Variants in KCNIP1 observed in about 807,000 individuals in gnomAD.
KCNIP1 encodes potassium voltage-gated channel interacting protein 1, also known as A-type potassium channel modulatory protein KCNIP1.
In KCNIP1, 18 loss-of-function variants were observed where a neutral mutation model predicts 33.0. The observed-to-expected ratio is 0.55, with a 90% CI of 0.38 to 0.81. The LOEUF is 0.81. KCNIP1 is among the 30% of genes least tolerant of loss of function. The probability of loss-of-function intolerance (pLI) is 0.00; values close to 1 mark genes in which losing one functional copy is unlikely to be tolerated. For synonymous variants in KCNIP1, 93 were observed against 98.3 expected, an observed-to-expected ratio of 0.95 and a Z score of 0.32; for missense variants, 238 against 271.6, an observed-to-expected ratio of 0.88 and a Z score of 0.87.
intron 1 of KCNIP1, among the ~76,000 whole-genome samples, chr5:170,709,027 ATTCTTTAAAGTTTT>A (rs1170059494): frequency 6.6e-6 from 1 of 152,242 alleles, no homozygotes; most frequent in African/African-American, 2.4e-5. Flanking sequence ...TATAACTTCA[ATTCTTTAAAGTTTT>A]TTGAGATTGA....
chr5:170,551,810 TGTGA>T (rs1291195021), intron 1 of KCNIP1, among the ~76,000 whole-genome samples: 6 of 151,936 alleles, frequency 3.9e-5, no homozygotes, highest in Non-Finnish European at 5.9e-5. Context: ...TGTGTGTGAA[TGTGA>T]GTATGTGATG....
chr5:170,495,361 C>T (rs1403917905), intron 1 of KCNIP1, among the ~76,000 whole-genome samples: 4 of 152,214 alleles, frequency 2.6e-5, no homozygotes, highest in Non-Finnish European at 5.9e-5. Flanking sequence ...GATTCCCCTT[C>T]TCCTTACCGG....
rs532146209 is a variant in KCNIP1 at position 170,391,044 on chromosome 5, G to A, written c.88+37080G>A. 4.6e-5 allele frequency among the ~76,000 whole-genome samples: 7 copies of A among 152,250 alleles called. No individual in the cohort carries two copies. The East Asian group carries it at 5.8e-4, about 13-fold the overall frequency. On this transcript the variant is annotated intron_variant, in intron 1 of 7. Transcript: ENST00000377360. ...GGAGACTACAGTGTCTGTTTAATGG[G>A]CACCATAGCACCAGAGGGTCTAAGA...
Position 170,700,526 on chromosome 5 carries a change from C to A in KCNIP1, c.62-18232C>A, listed in dbSNP as rs146170767. 4.8e-3 allele frequency among the ~76,000 whole-genome samples: 737 copies of A among 152,204 alleles called. 3 individuals are homozygous for A. The highest frequency in any genetic ancestry group is 0.01 in the Middle Eastern group (3 of 294). ...TGGGGCTGTGGTAAGCCGTGATTGCCCCATTGCACTCCATTCTAGGCAACA... is the reference window on the plus strand; with the variant it reads ...TGGGGCTGTGGTAAGCCGTGATTGCACCATTGCACTCCATTCTAGGCAACA... On this transcript the variant is annotated intron_variant, in intron 1 of 7. Coordinates refer to ENST00000328939, the MANE Select transcript of KCNIP1 (RefSeq NM_014592.4).
intron 1 of KCNIP1, among the ~76,000 whole-genome samples, chr5:170,405,848 T>C (rs1755026461): frequency 6.6e-6 from 1 of 152,178 alleles, no homozygotes; most frequent in Non-Finnish European, 1.5e-5. Flanking sequence ...TCACAGTCCC[T>C]TTCCACAGCT....
intron 1 of KCNIP1, among the ~76,000 whole-genome samples, chr5:170,525,486 C>G (rs781237618): frequency 1.3e-5 from 2 of 152,244 alleles, no homozygotes; most frequent in Non-Finnish European, 2.9e-5. Context: ...GTAGGGCACC[C>G]ATCTTTGTGC....
intron 1 of KCNIP1, among the ~76,000 whole-genome samples, chr5:170,656,396 T>C (rs923159195): frequency 2.0e-5 from 3 of 152,128 alleles, no homozygotes; most frequent in Non-Finnish European, 4.4e-5. Context: ...CAAGAGAGTG[T>C]GAAATGCCCC....
chr5:170,735,999 C>T lies in KCNIP1; in HGVS notation c.*193C>T, dbSNP rs546046931. 6.5e-5 allele frequency: 37 copies of T among 567,212 alleles called. No homozygotes were observed. The highest frequency in any genetic ancestry group is 6.0e-4 in the African/African-American group (32 of 53,586). The allele number at this position is 567,212 out of a possible 1,614,324, so 35.1% of individuals were successfully genotyped here. A position where few individuals can be genotyped will look rare whatever the true frequency, so the allele number is the denominator to read the frequency against. Reference sequence around the variant, plus strand: ...GTGGCTCAGTCTCTGATTGCCAACTCTTCCTCTTTCTTCTTCTTGAGAGAG... The same window carrying T: ...GTGGCTCAGTCTCTGATTGCCAACTTTTCCTCTTTCTTCTTCTTGAGAGAG... On this transcript the variant is annotated 3_prime_UTR_variant, in exon 8 of 8. Transcript: ENST00000328939.
At chr5:170,432,036 C>T (rs1313438202) in intron 1 of KCNIP1, among the ~76,000 whole-genome samples, 2 of 145,490 alleles carry the variant, frequency 1.4e-5, no homozygotes, top group African/African-American at 2.5e-5. Flanking sequence ...CTCTCTTTCT[C>T]TTTTTTTTTT....
At chr5:170,487,960 C>T (rs10039039) in intron 1 of KCNIP1, among the ~76,000 whole-genome samples, 13,046 of 152,180 alleles carry the variant, frequency 0.086, 1,282 homozygotes, top group African/African-American at 0.24. Flanking sequence ...CATAAATTTC[C>T]ACTCATTCCT....
At chr5:170,547,397 G>A (rs1756454392) in intron 1 of KCNIP1, among the ~76,000 whole-genome samples, 1 of 152,218 alleles carries the variant, frequency 6.6e-6, no homozygotes. Flanking sequence ...AAGTTTAGGG[G>A]TACATGTGCA....
intron 1 of KCNIP1, among the ~76,000 whole-genome samples, chr5:170,515,260 A>C (rs567000914): frequency 6.6e-6 from 1 of 152,198 alleles, no homozygotes; most frequent in African/African-American, 2.4e-5. Flanking sequence ...TGAGCATTGA[A>C]TCTTGTCCTG....
chr5:170,383,648 G>T (rs1432664400), intron 1 of KCNIP1: 1 of 1,612,526 alleles, frequency 6.2e-7, no homozygotes, highest in Non-Finnish European at 8.5e-7. Flanking sequence ...CAGGGATAAA[G>T]GGATGTGTCC....
intron 1 of KCNIP1, among the ~76,000 whole-genome samples, chr5:170,545,963 A>C (rs1017026360): frequency 2.6e-5 from 4 of 152,232 alleles, no homozygotes; most frequent in African/African-American, 9.6e-5. Context: ...TGGAGGTTTC[A>C]GCTGATACAT....
At chr5:170,700,331 G>C (rs1391542898) in intron 1 of KCNIP1, among the ~76,000 whole-genome samples, 3 of 151,978 alleles carry the variant, frequency 2.0e-5, no homozygotes, top group Middle Eastern at 3.2e-3. Context: ...ATCATAATTT[G>C]CTCAACTGTA....
chr5:170,459,692 A>G (rs1259105765), intron 1 of KCNIP1, among the ~76,000 whole-genome samples: 1 of 152,166 alleles, frequency 6.6e-6, no homozygotes, highest in Non-Finnish European at 1.5e-5. Flanking sequence ...AGCAAAGGGG[A>G]TGCTAAGAGG....
intron 1 of KCNIP1, among the ~76,000 whole-genome samples, chr5:170,427,822 C>T (rs1462857891): frequency 2.0e-5 from 3 of 152,244 alleles, no homozygotes; most frequent in African/African-American, 7.2e-5. Context: ...AGAGACAACT[C>T]TTCCCATCAC....
In KCNIP1 at chr5:170,607,944, G is replaced by A. The variant is rs1758994757; in HGVS notation, c.61+103311G>A. 2.0e-5 allele frequency among the ~76,000 whole-genome samples: 3 copies of A among 152,180 alleles called. No individual in the cohort carries two copies. The South Asian group carries it at 6.2e-4, about 32-fold the overall frequency. On this transcript the variant is annotated intron_variant, in intron 1 of 7. Transcript: ENST00000328939. Reference sequence around the variant, plus strand: ...TATTCTTGGAGAATGAATTTGGGGGGCTGTATTTGTTTCCCATGACTGCTA... The same window carrying A: ...TATTCTTGGAGAATGAATTTGGGGGACTGTATTTGTTTCCCATGACTGCTA...
chr5:170,383,649 G>A (rs750489787), intron 1 of KCNIP1: 2 of 1,612,398 alleles, frequency 1.2e-6, no homozygotes, highest in Non-Finnish European at 1.7e-6. Context: ...AGGGATAAAG[G>A]GATGTGTCCC....
Sources: gnomAD v4.1 joint callset for allele counts (sites outside exome capture counted in the v4.1 genomes callset) on GRCh38, gnomAD v4.1.1 for gene constraint, MANE v1.5 for transcripts, NCBI Gene and HGNC (gene_info 2026-07-23, HGNC 2026-07-21) for gene names.